The following LARGE1 variants were observed in gnomAD, a reference collection of about 807,000 sequenced individuals.
LARGE1 encodes the protein xylosyl- and glucuronyltransferase LARGE1.
LARGE1 carries 43 observed loss-of-function variants against 87.6 expected under a neutral mutation model. The observed-to-expected ratio is 0.49, with a 90% CI of 0.38 to 0.63. The LOEUF (loss-of-function observed/expected upper bound fraction) is 0.63, where lower values mean the gene tolerates loss of function less well. LARGE1 is among the 30% of genes least tolerant of loss of function. The pLI is 0.00. For synonymous variants in LARGE1, 434 were observed against 394.6 expected (o/e 1.10, Z -1.18); for missense variants, 802 against 1,000.2 (o/e 0.80, Z 2.67).
the LARGE1 span, among the ~76,000 whole-genome samples, chr22:33,078,826 G>A: frequency 1.3e-5 from 2 of 152,234 alleles, no homozygotes; most frequent in Middle Eastern, 3.2e-3. Flanking sequence ...AAAAGTAAGT[G>A]ACTGCCTCAA....
At chr22:33,745,334 T>C (rs239336) in intron 2 of LARGE1, among the ~76,000 whole-genome samples, 92,983 of 151,830 alleles carry the variant, frequency 0.61, 30,274 homozygotes, top group African/African-American at 0.84. Flanking sequence ...TACTCACTCT[T>C]GGTGATCTTT....
At chr22:33,412,773 G>A (rs2066352286) in intron 7 of LARGE1, among the ~76,000 whole-genome samples, 1 of 152,146 alleles carries the variant, frequency 6.6e-6, no homozygotes. Flanking sequence ...CAATTCTCCT[G>A]CCTCAGCCTC....
intron 1 of LARGE1, among the ~76,000 whole-genome samples, chr22:33,826,551 C>G (rs1020754520): frequency 6.6e-6 from 1 of 152,000 alleles, no homozygotes; most frequent in Admixed American, 6.6e-5. Flanking sequence ...CCATCTTGGC[C>G]AGGCTGGTCT....
intron 8 of LARGE1, 38 bp from the exon 9 acceptor site, chr22:33,382,082 G>T (rs1336661701): frequency 6.2e-7 from 1 of 1,612,802 alleles, no homozygotes; most frequent in African/African-American, 1.3e-5. Context: ...CAAGACAGTC[G>T]GATGGTCCAG....
chr22:33,648,014 C>A (rs2149170840), intron 3 of LARGE1, among the ~76,000 whole-genome samples: 1 of 152,278 alleles, frequency 6.6e-6, no homozygotes, highest in Middle Eastern at 3.4e-3. Flanking sequence ...ACCTCGGACT[C>A]CCAAAGTGCT....
intron 6 of LARGE1, among the ~76,000 whole-genome samples, chr22:33,499,215 C>G (rs1442476159): frequency 6.6e-6 from 1 of 152,150 alleles, no homozygotes; most frequent in Non-Finnish European, 1.5e-5. Flanking sequence ...CTGCCCTGAA[C>G]AGGATTCGCC....
chr22:33,217,359 G>A (rs1467374723), intron 11 of LARGE1, among the ~76,000 whole-genome samples: 1 of 152,096 alleles, frequency 6.6e-6, no homozygotes, highest in Non-Finnish European at 1.5e-5. Context: ...AGAAACTCTG[G>A]GGGTTGAGCT....
chr22:33,593,437 C>CT (rs1196507985), intron 5 of LARGE1, among the ~76,000 whole-genome samples: 1 of 152,184 alleles, frequency 6.6e-6, no homozygotes, highest in Non-Finnish European at 1.5e-5. Flanking sequence ...TCTTGGGTCT[C>CT]TGTCTATTTT....
intron 9 of LARGE1, among the ~76,000 whole-genome samples, chr22:33,350,891 T>G (rs1601551508): frequency 6.6e-6 from 1 of 152,170 alleles, no homozygotes; most frequent in African/African-American, 2.4e-5. Flanking sequence ...GATGGGTTCT[T>G]GCATGGATAC....
chr22:33,317,473 C>T (rs77857766), intron 10 of LARGE1, among the ~76,000 whole-genome samples: 4,428 of 152,224 alleles, frequency 0.029, 178 homozygotes, highest in African/African-American at 0.1. Context: ...TCTTGGCACC[C>T]GTACTTTTTT....
intron 11 of LARGE1, among the ~76,000 whole-genome samples, chr22:33,241,582 ATGTG>A (rs1179995842): frequency 6.6e-6 from 1 of 151,806 alleles, no homozygotes; most frequent in Non-Finnish European, 1.5e-5. Context: ...ATGTGTGTAT[ATGTG>A]TGTGTATATA....
rs556181653 is a variant in LARGE1, at chr22:33,618,811, C to T, written c.491+7433G>A. The stretch of plus-strand genomic sequence containing the variant: ...AAATTCTGGAACTGGATTGAGAACC[C>T]GCCTTCCTGTTTGGTGTGATTTCCC... On this transcript the variant is annotated intron_variant, in intron 4 of 14. Transcript: ENST00000397394. Among the ~76,000 whole-genome samples, 13 of 152,312 alleles carry T rather than the reference C, an allele frequency of 8.5e-5. No individual in the cohort carries two copies. In the South Asian group the frequency reaches 1.7e-3, roughly 19 times the overall value.
intron 1 of LARGE1, among the ~76,000 whole-genome samples, chr22:33,845,717 A>G (rs1215417092): frequency 2.0e-5 from 3 of 152,170 alleles, no homozygotes; most frequent in South Asian, 4.1e-4. Flanking sequence ...TTAAAACAAG[A>G]GAGTCCCTAT....
chr22:33,089,274 CTTCTTG>C, the LARGE1 span, among the ~76,000 whole-genome samples: 2 of 148,136 alleles, frequency 1.4e-5, no homozygotes, highest in African/African-American at 5.3e-5. Flanking sequence ...TCTTCTTCTT[CTTCTTG>C]TTCTTCTTCT....
At chr22:33,215,738 C>T (rs1167590355) in intron 11 of LARGE1, among the ~76,000 whole-genome samples, 1 of 152,156 alleles carries the variant, frequency 6.6e-6, no homozygotes, top group African/African-American at 2.4e-5. Context: ...AAGTGGATCA[C>T]CTGAGGTCAG....
At chr22:33,700,815 AGT>A (rs1192262323) in intron 2 of LARGE1, among the ~76,000 whole-genome samples, 2 of 152,206 alleles carry the variant, frequency 1.3e-5, no homozygotes, top group Non-Finnish European at 2.9e-5. Flanking sequence ...TTCTGGGAAG[AGT>A]GGGTAGCAAT....
chr22:33,490,508 A>C (rs542149679), intron 6 of LARGE1, among the ~76,000 whole-genome samples: 1 of 152,276 alleles, frequency 6.6e-6, no homozygotes, highest in South Asian at 2.1e-4. Context: ...TACTATTACT[A>C]CTCTAAATAG....
At chr22:33,882,589 G>A (rs1405397203) in intron 1 of LARGE1, among the ~76,000 whole-genome samples, 1 of 152,174 alleles carries the variant, frequency 6.6e-6, no homozygotes, top group Non-Finnish European at 1.5e-5. Flanking sequence ...ACTGGAACAG[G>A]AAGGCTAATC....
intron 2 of LARGE1, among the ~76,000 whole-genome samples, chr22:33,716,249 C>T (rs566583155): frequency 3.9e-5 from 6 of 151,926 alleles, no homozygotes; most frequent in Non-Finnish European, 5.9e-5. Context: ...TAAACATATG[C>T]CCTGCAATAT....
Sources: allele counts gnomAD v4.1 joint callset (sites outside exome capture counted in the v4.1 genomes callset), GRCh38; gene constraint gnomAD v4.1.1; transcripts MANE v1.5; gene names NCBI Gene and HGNC (gene_info 2026-07-23, HGNC 2026-07-21).